RAD18: variants seen among roughly 807,000 people sequenced by gnomAD.
The protein encoded by RAD18 is E3 ubiquitin-protein ligase RAD18.
RAD18 carries 47 observed loss-of-function variants against 60.4 expected under a neutral mutation model. The observed-to-expected ratio is 0.78, with a 90% CI of 0.62 to 0.99. The LOEUF (loss-of-function observed/expected upper bound fraction) is 0.99. Ranked by LOEUF, RAD18 falls within the 50% of genes least tolerant of loss-of-function variation. The pLI is 0.00. For synonymous variants in RAD18, 225 were observed against 195.5 expected (o/e 1.15, Z -1.26); for missense variants, 640 against 593.3 (o/e 1.08, Z -0.82).
intron 12 of RAD18, among the ~76,000 whole-genome samples, chr3:8,889,466 A>G (rs1012926578): frequency 6.6e-6 from 1 of 152,230 alleles, no homozygotes; most frequent in African/African-American, 2.4e-5. Context: ...AGTGATGGAC[A>G]AACAAATAAT....
chr3:8,919,453 T>C (rs886910705), intron 7 of RAD18, among the ~76,000 whole-genome samples: 1 of 152,124 alleles, frequency 6.6e-6, no homozygotes, highest in Non-Finnish European at 1.5e-5. Flanking sequence ...GCTACCATCA[T>C]AAAAATGATC....
At chr3:8,958,114 G>C (rs1183217971) in intron 2 of RAD18, among the ~76,000 whole-genome samples, 1 of 152,188 alleles carries the variant, frequency 6.6e-6, no homozygotes, top group Non-Finnish European at 1.5e-5. Flanking sequence ...ATTTTCAAGA[G>C]TCAAGCCCAA....
chr3:8,909,967 T>C (rs149657847), intron 9 of RAD18, among the ~76,000 whole-genome samples: 1 of 152,288 alleles, frequency 6.6e-6, no homozygotes, highest in East Asian at 1.9e-4. Context: ...TCCTGGCAAA[T>C]GTATTCTACC....
At chr3:8,902,795 AGTAG>A (rs1302256071) in intron 9 of RAD18, among the ~76,000 whole-genome samples, 1 of 152,052 alleles carries the variant, frequency 6.6e-6, no homozygotes, top group Non-Finnish European at 1.5e-5. Context: ...GGGAGGCCGA[AGTAG>A]GTGGACCATT....
intron 1 of RAD18, among the ~76,000 whole-genome samples, chr3:8,961,004 G>C (rs1941087960): frequency 6.6e-6 from 1 of 152,128 alleles, no homozygotes; most frequent in African/African-American, 2.4e-5. Flanking sequence ...AGCTGTCACA[G>C]ACACAAAAAT....
chr3:8,887,644 A>G (rs1203669169), intron 12 of RAD18, among the ~76,000 whole-genome samples: 4 of 152,194 alleles, frequency 2.6e-5, no homozygotes, highest in Non-Finnish European at 5.9e-5. Context: ...ATTACTTTCA[A>G]CAAACACCCT....
intron 4 of RAD18, among the ~76,000 whole-genome samples, chr3:8,946,748 T>C (rs1940845549): frequency 6.6e-6 from 1 of 152,232 alleles, no homozygotes; most frequent in African/African-American, 2.4e-5. Flanking sequence ...CAATTATAGA[T>C]ATGTGTATAT....
intron 7 of RAD18, among the ~76,000 whole-genome samples, chr3:8,934,225 G>C (rs1277865103): frequency 6.6e-6 from 1 of 151,868 alleles, no homozygotes; most frequent in Non-Finnish European, 1.5e-5. Context: ...ACATGATCTT[G>C]AAGTAGGCTA....
At chr3:8,905,084 A>G (rs975849382) in intron 9 of RAD18, among the ~76,000 whole-genome samples, 1 of 152,208 alleles carries the variant, frequency 6.6e-6, no homozygotes, top group Non-Finnish European at 1.5e-5. Flanking sequence ...TTACTTCTTT[A>G]CTTCATTTTA....
chr3:8,915,291 G>A (rs1284838149), intron 7 of RAD18, among the ~76,000 whole-genome samples: 1 of 152,116 alleles, frequency 6.6e-6, no homozygotes, highest in East Asian at 1.9e-4. Flanking sequence ...GAAAAAGCGG[G>A]ATAACTTATA....
At chr3:8,893,052 A>G (rs893517371) in intron 11 of RAD18, among the ~76,000 whole-genome samples, 6 of 152,282 alleles carry the variant, frequency 3.9e-5, no homozygotes, top group Admixed American at 3.3e-4. Flanking sequence ...TGTCAGTTCC[A>G]TTTTCATAAA....
intron 7 of RAD18, among the ~76,000 whole-genome samples, chr3:8,918,887 T>C (rs1365293332): frequency 6.6e-6 from 1 of 152,156 alleles, no homozygotes; most frequent in Non-Finnish European, 1.5e-5. Context: ...ATAGCAACAA[T>C]GTCAGTGGAA....
chr3:8,883,436 C>A (rs567753553), intron 12 of RAD18, among the ~76,000 whole-genome samples: 1 of 152,298 alleles, frequency 6.6e-6, no homozygotes, highest in Admixed American at 6.5e-5. Context: ...TATATGGCAA[C>A]TAAAAGTGTC....
At chr3:8,885,862 G>A (rs1939552540) in intron 12 of RAD18, among the ~76,000 whole-genome samples, 2 of 152,146 alleles carry the variant, frequency 1.3e-5, no homozygotes, top group Admixed American at 1.3e-4. Context: ...ATGTCAAAAG[G>A]TCTTTCTAGG....
intron 12 of RAD18, among the ~76,000 whole-genome samples, chr3:8,882,561 C>G (rs376421484): frequency 6.6e-6 from 1 of 152,146 alleles, no homozygotes; most frequent in African/African-American, 2.4e-5. Flanking sequence ...CCGGCTGTTT[C>G]CCACCATCAG....
At chr3:8,953,081 T>G (rs1940952599) in intron 2 of RAD18, among the ~76,000 whole-genome samples, 1 of 151,876 alleles carries the variant, frequency 6.6e-6, no homozygotes, top group African/African-American at 2.4e-5. Context: ...CAAATCATGG[T>G]AAGTCAGGGA....
intron 12 of RAD18, among the ~76,000 whole-genome samples, chr3:8,886,899 A>C (rs1939574947): frequency 6.6e-6 from 1 of 152,202 alleles, no homozygotes; most frequent in Non-Finnish European, 1.5e-5. Context: ...TGAGCCAGCC[A>C]GGTAGGCTGG....
intron 7 of RAD18, among the ~76,000 whole-genome samples, chr3:8,915,730 C>A (rs893373836): frequency 6.6e-6 from 1 of 151,986 alleles, no homozygotes; most frequent in Non-Finnish European, 1.5e-5. Flanking sequence ...ACTACAGGTG[C>A]CTGCCACCAC....
chr3:8,959,246 A>G (rs1261209128), intron 1 of RAD18, among the ~76,000 whole-genome samples: 2 of 152,272 alleles, frequency 1.3e-5, no homozygotes, highest in African/African-American at 4.8e-5. Context: ...ATGATGGCAC[A>G]CCGATTCTTG....
Sources: gnomAD v4.1 joint callset for allele counts (sites outside exome capture counted in the v4.1 genomes callset) on GRCh38, gnomAD v4.1.1 for gene constraint, MANE v1.5 for transcripts, NCBI Gene and HGNC (gene_info 2026-07-23, HGNC 2026-07-21) for gene names.